The following WWP2 variants were observed in gnomAD, a reference collection of about 807,000 sequenced individuals.
WWP2 encodes WW domain containing E3 ubiquitin protein ligase 2.
In WWP2, 57 loss-of-function variants were observed where a neutral mutation model predicts 121.0. That is an observed-to-expected ratio of 0.47 (90% CI 0.38 to 0.59). The LOEUF is 0.59. Among genes scored for constraint, WWP2 ranks in the 20% least tolerant of loss-of-function variants. The pLI is 0.00. For missense variants in WWP2, 962 were observed against 1,158.9 expected (o/e 0.83, Z 2.47); for synonymous variants, 449 against 441.3 (o/e 1.02, Z -0.22).
intron 10 of WWP2, among the ~76,000 whole-genome samples, chr16:69,918,817 C>T (rs975826172): frequency 2.0e-5 from 3 of 151,226 alleles, no homozygotes; most frequent in Non-Finnish European, 4.4e-5. Flanking sequence ...TAAAGAGTAA[C>T]ATTTAAATTT....
chr16:69,778,502 G>T (rs1450551037), intron 1 of WWP2, among the ~76,000 whole-genome samples: 1 of 151,956 alleles, frequency 6.6e-6, no homozygotes, highest in Non-Finnish European at 1.5e-5. Flanking sequence ...GTGAAGTCTG[G>T]GCCTCAGGTT....
intron 4 of WWP2, among the ~76,000 whole-genome samples, chr16:69,824,139 G>A (rs1445648126): frequency 4.6e-5 from 7 of 152,194 alleles, no homozygotes; most frequent in African/African-American, 9.7e-5. Context: ...CCGCCTGACC[G>A]TCCATTCCAG....
chr16:69,799,473 G>A lies in WWP2; in HGVS notation c.340+178G>A, dbSNP rs996893280. On this transcript the variant is annotated intron_variant, in intron 4 of 23. Transcript: ENST00000359154. This position sits in a 1 kb window ranked among gnomAD's most constrained non-coding sequence, Gnocchi z 4.5. ...GGCTCCTCTCTGCCTCCACTACAGA[G>A]TTTAGCCCTCTTTGTCCAGGGCCTC... The A allele has an allele frequency of 1.3e-6, 1 of 789,728 alleles. No individual in the cohort carries two copies. Among genetic ancestry groups the A allele is most frequent in the Non-Finnish European group, 1.9e-6 (1 of 527,436 alleles). The allele number at this position is 789,728 out of a possible 1,614,324, so 48.9% of individuals were successfully genotyped here.
intron 4 of WWP2, among the ~76,000 whole-genome samples, chr16:69,828,290 AC>A (rs1262227782): frequency 6.7e-6 from 1 of 150,218 alleles, no homozygotes; most frequent in South Asian, 2.1e-4. Flanking sequence ...CTTCCCAGGA[AC>A]CCTTCTTGAT....
chr16:69,894,385 T>C (rs1254168988), intron 8 of WWP2, among the ~76,000 whole-genome samples: 1 of 152,100 alleles, frequency 6.6e-6, no homozygotes, highest in Non-Finnish European at 1.5e-5. Flanking sequence ...CTGGCTGCAT[T>C]GTCTTTTTGA....
intron 1 of WWP2, among the ~76,000 whole-genome samples, chr16:69,779,849 C>T (rs1156718272): frequency 6.6e-6 from 1 of 152,136 alleles, no homozygotes. Context: ...ATCTTTCCTG[C>T]ATTATTCAAG....
chr16:69,792,816 C>T (rs563022082), intron 2 of WWP2, among the ~76,000 whole-genome samples: 2 of 152,138 alleles, frequency 1.3e-5, no homozygotes, highest in Admixed American at 6.5e-5. Context: ...CTCAGCCTCT[C>T]GAGTAACTGG....
chr16:69,934,779 C>A (rs1285485743), intron 17 of WWP2, among the ~76,000 whole-genome samples: 2 of 151,268 alleles, frequency 1.3e-5, no homozygotes, highest in African/African-American at 4.9e-5. Flanking sequence ...TACAGGGCAG[C>A]CACTGAGAAA....
chr16:69,857,224 C>T (rs956611138), intron 6 of WWP2, among the ~76,000 whole-genome samples: 8 of 152,098 alleles, frequency 5.3e-5, no homozygotes, highest in Non-Finnish European at 1.5e-5. Flanking sequence ...CTGCCTCAGC[C>T]TCCCGAGTAG....
chr16:69,873,292 G>T (rs866451863), intron 7 of WWP2, among the ~76,000 whole-genome samples: 1 of 152,350 alleles, frequency 6.6e-6, no homozygotes, highest in East Asian at 1.9e-4. Context: ...CAGAGTCCCC[G>T]TGGCTGCTGC....
At chr16:69,916,748 A>G (rs1041027894) in intron 9 of WWP2, among the ~76,000 whole-genome samples, 3 of 152,138 alleles carry the variant, frequency 2.0e-5, no homozygotes, top group African/African-American at 7.2e-5. Flanking sequence ...ATGAAGGGTG[A>G]CAGCTGGTCA....
Position 69,810,645 on chromosome 16 carries a change from T to G in WWP2, c.340+11350T>G, listed in dbSNP as rs139836371. 4.1e-4 allele frequency among the ~76,000 whole-genome samples: 63 copies of G among 151,970 alleles called. 2 individuals carry two copies. In the East Asian group the frequency reaches 0.011, roughly 26 times the overall value. Reference sequence around the variant, plus strand: ...ATGGGGTTTCACTGTGTTAGCCAGATAGTCTCAATCTCCTGACCTTGTGAT... The same window carrying G: ...ATGGGGTTTCACTGTGTTAGCCAGAGAGTCTCAATCTCCTGACCTTGTGAT... On this transcript the variant is annotated intron_variant, in intron 4 of 23. Transcript: ENST00000359154.
rs1029698891 is a variant in WWP2 at position 69,798,787 on chromosome 16, G to A, written c.176G>A (p.Arg59His). 5.0e-6 allele frequency: 8 copies of A among 1,614,048 alleles called. No individual in the cohort carries two copies. The highest frequency in any genetic ancestry group is 6.8e-6 in the Non-Finnish European group (8 of 1,179,986). The stretch of plus-strand genomic sequence containing the variant: ...AGTGAGACCAAGAAGACTGGGAAGC[G>A]CATTGGGAGCTCTGAGCTTCTCTGG... The part of the protein sequence containing the change: ...LPSETKKTGK[R>H]IGSSELLWNE... Residue 59 changes from arginine (R) to histidine (H), a missense_variant, in exon 3 of 24, where the codon CGC becomes CAC. Transcript: ENST00000359154.
At chr16:69,851,949 C>T (rs1452614964) in intron 6 of WWP2, among the ~76,000 whole-genome samples, 5 of 151,324 alleles carry the variant, frequency 3.3e-5, no homozygotes, top group African/African-American at 1.2e-4. Flanking sequence ...CGCCACTGCA[C>T]TCCAGCCTGG....
chr16:69,931,945 C>T, intron 16 of WWP2, 55 bp downstream of exon 16: 1 of 1,511,072 alleles, frequency 6.6e-7, no homozygotes, highest in South Asian at 1.2e-5. Context: ...CAGGCTACAG[C>T]ATCAATGGCC....
At position 69,888,123 on chromosome 16, in the gene WWP2, T is replaced by C; in HGVS notation, c.788T>C (p.Val263Ala). ...TCCCCACCTGCTGCACCCTTGAGTG[T>C]GACCCCGAATCCCAACACGACTTCT... The part of the protein sequence containing the change: ...VTSPPAAPLS[V>A]TPNPNTTSLP... Residue 263 changes from valine to alanine, a missense_variant, in exon 8 of 24, where the codon GTG (valine) becomes GCG (alanine). Physicochemically the swap from Val to Ala is moderately conservative, Grantham distance 64. Transcript: ENST00000359154. The C allele has an allele frequency of 6.2e-7, 1 of 1,614,204 alleles. No homozygotes were observed. Among genetic ancestry groups the C allele is most frequent in the Non-Finnish European group, 8.5e-7 (1 of 1,180,028 alleles).
At chr16:69,775,231 G>A (rs1039155823) in intron 1 of WWP2, 4 of 152,090 alleles carry the variant, frequency 2.6e-5, no homozygotes, top group African/African-American at 9.7e-5. Flanking sequence ...TCTTTCCTTG[G>A]GGTATAAGGA....
intron 4 of WWP2, among the ~76,000 whole-genome samples, chr16:69,812,656 T>A (rs973057530): frequency 6.6e-6 from 1 of 151,976 alleles, no homozygotes; most frequent in Non-Finnish European, 1.5e-5. Flanking sequence ...TAAAAATTAT[T>A]TGGCAGATTC....
chr16:69,768,187 C>T (rs2038774044), intron 1 of WWP2, among the ~76,000 whole-genome samples: 1 of 152,120 alleles, frequency 6.6e-6, no homozygotes, highest in Non-Finnish European at 1.5e-5. Context: ...GATGTTTCCC[C>T]TGGATGATGG....
Sources: gnomAD v4.1 joint callset for allele counts (sites outside exome capture counted in the v4.1 genomes callset) on GRCh38, gnomAD v4.1.1 for gene constraint, Gnocchi (gnomAD v3.1) non-coding constraint, MANE v1.5 for transcripts, NCBI Gene and HGNC (gene_info 2026-07-23, HGNC 2026-07-21) for gene names.